The following PCDH12 variants were observed in gnomAD, a reference collection of about 807,000 sequenced individuals.
PCDH12 encodes protocadherin-12.
PCDH12 carries 45 observed loss-of-function variants against 70.9 expected under a neutral mutation model. The ratio of observed to expected loss-of-function variants is 0.63; its 90% CI spans 0.50 to 0.81. The LOEUF (loss-of-function observed/expected upper bound fraction) is 0.81, where lower values mean the gene tolerates loss of function less well. PCDH12 is among the 40% of genes least tolerant of loss of function. The pLI is 0.00. For synonymous variants in PCDH12, 567 were observed against 626.0 expected (o/e 0.91, Z 1.41); for missense variants, 1,370 against 1,491.7 (o/e 0.92, Z 1.34).
In PCDH12 at chr5:141,957,437, C is replaced by T. The variant is rs145724323; in HGVS notation, c.415G>A (p.Glu139Lys). 712 of 1,612,342 alleles carry T rather than the reference C, an allele frequency of 4.4e-4. 1 individual carries two copies. The highest frequency in any genetic ancestry group is 5.4e-4 in the Non-Finnish European group (633 of 1,179,192). The change falls in exon 1 of 4, where the codon GAG (glutamate) becomes AAG (lysine). Residue 139 changes from glutamate to lysine, a missense_variant. Coordinates refer to ENST00000231484, the MANE Select transcript of PCDH12 (RefSeq NM_016580.4). This position sits in a 1 kb window ranked among gnomAD's most constrained non-coding sequence, Gnocchi z 4.3. Reference sequence around the variant, plus strand: ...CTCTCAGAGATTTCCAGCTCCTGCTCGCCTTTGGGAAACCGTGGCTGGTGG... The same window carrying T: ...CTCTCAGAGATTTCCAGCTCCTGCTTGCCTTTGGGAAACCGTGGCTGGTGG... Reference protein sequence around the residue: ...NDHQPRFPKGEQELEISESAS... With the variant: ...NDHQPRFPKGKQELEISESAS...
At chr5:141,948,817 G>A (rs1438085700) in intron 3 of PCDH12, among the ~76,000 whole-genome samples, 4 of 152,110 alleles carry the variant, frequency 2.6e-5, no homozygotes, top group Non-Finnish European at 4.4e-5. Flanking sequence ...GGGATTGGTT[G>A]GAGGCTTAAA....
Position 141,955,392 on chromosome 5 carries a change from C to G in PCDH12, c.2460G>C (p.Pro820=). The G allele has an allele frequency of 6.2e-7, 1 of 1,613,938 alleles. No homozygotes were observed. The highest frequency in any genetic ancestry group is 8.5e-7 in the Non-Finnish European group (1 of 1,180,016). Residue 820 remains proline (P), a synonymous_variant, in exon 1 of 4, where the codon CCG becomes CCC. Transcript: ENST00000231484. This position sits in a 1 kb window ranked among gnomAD's most constrained non-coding sequence, Gnocchi z 5.5. ...GATTACGCAGCGTCCTGTACAGGGT[C>G]GGGGTGAGGTGGAAGGGGGCCTGCA... The part of the protein sequence containing the change: ...PCLQAPFHLT[P]TLYRTLRNQG...
At chr5:141,950,332 T>A (rs1753054146) in intron 2 of PCDH12, among the ~76,000 whole-genome samples, 1 of 152,180 alleles carries the variant, frequency 6.6e-6, no homozygotes, top group Non-Finnish European at 1.5e-5. Context: ...GGAGTCCTTC[T>A]GTTTGTTTGG....
In PCDH12 at chr5:141,955,662, CCCGAAGATGCCCAACAGTACAG is replaced by C. The variant is rs754836147; in HGVS notation, c.2168_2189del (p.Ala723GlyfsTer2). On this transcript the variant is annotated frameshift_variant, in exon 1 of 4. Coordinates refer to ENST00000231484, the MANE Select transcript of PCDH12 (RefSeq NM_016580.4). LOFTEE classifies it high-confidence loss of function. This position sits in a 1 kb window ranked among gnomAD's most constrained non-coding sequence, Gnocchi z 5.5. ...TGGACATGAACAAAGCCAGGATCAACCCGAAGATGCCCAACAGTACAGCCAGGCAGATCACCGTCAGCATCGA... is the reference window on the plus strand; with the variant it reads ...TGGACATGAACAAAGCCAGGATCAACCCAGGCAGATCACCGTCAGCATCGA... The C allele has an allele frequency of 6.2e-7, 1 of 1,614,134 alleles. No individual in the cohort carries two copies.
rs1271571624 is a variant in PCDH12, at chr5:141,945,447, G to T, written c.3489C>A (p.Asp1163Glu). The T allele has an allele frequency of 6.2e-7, 1 of 1,613,208 alleles. No homozygotes were observed. The highest frequency in any genetic ancestry group is 1.1e-5 in the South Asian group (1 of 91,052). Reference sequence around the variant, plus strand: ...CCTCAGTCCCCGTCTTTCCACCTGGGTCCCCTTGCACTTTCATGCCTGAGG... The same window carrying T: ...CCTCAGTCCCCGTCTTTCCACCTGGTTCCCCTTGCACTTTCATGCCTGAGG... Reference protein sequence around the residue: ...SAASGMKVQGDPGGKTGTEGK... With the variant: ...SAASGMKVQGEPGGKTGTEGK... Residue 1163 changes from aspartate to glutamate, a missense_variant, in exon 4 of 4, where the codon GAC becomes GAA. Physicochemically the swap from Asp to Glu is conservative, Grantham distance 45. Transcript: ENST00000231484.
chr5:141,945,388 C>CA lies in PCDH12; in HGVS notation c.3547dup (p.Cys1183LeufsTer30). The CA allele has an allele frequency of 6.3e-7, 1 of 1,599,060 alleles. No homozygotes were observed. Among genetic ancestry groups the CA allele is most frequent in the Non-Finnish European group, 8.5e-7 (1 of 1,174,998 alleles). On this transcript the variant is annotated frameshift_variant, in exon 4 of 4. Transcript: ENST00000231484. LOFTEE classifies it high-confidence loss of function. ...GAGGCGTCTGAGGTATGTTCACAGG[C>CA]ACCTGCTGCTGCTGCTGCTGCCTCT...
chr5:141,946,188 G>C (rs1752922757), intron 3 of PCDH12, among the ~76,000 whole-genome samples: 1 of 152,166 alleles, frequency 6.6e-6, no homozygotes, highest in Non-Finnish European at 1.5e-5. Context: ...ACTAGCTGAG[G>C]ATGGAGGGAA....
At position 141,957,592 on chromosome 5, in the gene PCDH12, C is replaced by A; in HGVS notation, c.260G>T (p.Ser87Ile). The change falls in exon 1 of 4, where the codon AGC becomes ATC. Residue 87 changes from serine (S) to isoleucine (I), a missense_variant. Transcript: ENST00000231484. This position sits in a 1 kb window ranked among gnomAD's most constrained non-coding sequence, Gnocchi z 4.3. ...IQVDSEEGLL[S>I]TGRRLDREQL... Reference sequence around the variant, plus strand: ...CTCTCGATCCAGCCGCCTGCCTGTGCTGAGCAAGCCTTCCTCAGAGTCCAC... The same window carrying A: ...CTCTCGATCCAGCCGCCTGCCTGTGATGAGCAAGCCTTCCTCAGAGTCCAC... 2 of 1,614,234 alleles carry A rather than the reference C, an allele frequency of 1.2e-6. No homozygotes were observed. The highest frequency in any genetic ancestry group is 2.7e-5 in the African/African-American group (2 of 75,066).
rs1309320741 is a variant in PCDH12 at position 141,945,419 on chromosome 5, T to C, written c.3517A>G (p.Lys1173Glu). 3 of 1,441,278 alleles carry C rather than the reference T, an allele frequency of 2.1e-6. No individual in the cohort carries two copies. The highest frequency in any genetic ancestry group is 2.8e-6 in the Non-Finnish European group (3 of 1,053,186). The allele number at this position is 1,441,278 out of a possible 1,614,324, so 89.3% of individuals were successfully genotyped here. ...CTGCTGCTGCTGCTGCCTCTGCTCT[T>C]GCCCTCAGTCCCCGTCTTTCCACCT... ...DPGGKTGTEGKSRGSSSSSRC... is the reference protein window; with the variant it reads ...DPGGKTGTEGESRGSSSSSRC... The change falls in exon 4 of 4, where the codon AAG becomes GAG. Residue 1173 changes from lysine (K) to glutamate (E), a missense_variant. Coordinates refer to ENST00000231484, the MANE Select transcript of PCDH12 (RefSeq NM_016580.4).
chr5:141,956,189 G>A lies in PCDH12; in HGVS notation c.1663C>T (p.Leu555Phe). Residue 555 changes from leucine (L) to phenylalanine (F), a missense_variant, in exon 1 of 4, where the codon CTC becomes TTC. Physicochemically the swap from Leu to Phe is conservative, Grantham distance 22 (BLOSUM62 0). Coordinates refer to ENST00000231484, the MANE Select transcript of PCDH12 (RefSeq NM_016580.4). Reference protein sequence around the residue: ...LASSVSVWVSLLDANDNAPEV... With the variant: ...LASSVSVWVSFLDANDNAPEV... Reference sequence around the variant, plus strand: ...GGGGCATTATCATTGGCATCCAAGAGGCTGACCCACACAGAGACACTGGAT... The same window carrying A: ...GGGGCATTATCATTGGCATCCAAGAAGCTGACCCACACAGAGACACTGGAT... The A allele has an allele frequency of 6.2e-7, 1 of 1,614,210 alleles. No homozygotes were observed. The highest frequency in any genetic ancestry group is 8.5e-7 in the Non-Finnish European group (1 of 1,180,038).
At chr5:141,949,952 G>T (rs1320866054) in intron 2 of PCDH12, among the ~76,000 whole-genome samples, 1 of 152,170 alleles carries the variant, frequency 6.6e-6, no homozygotes, top group African/African-American at 2.4e-5. Context: ...TGGCACACAG[G>T]AGGAGTTTAG....
intron 3 of PCDH12, among the ~76,000 whole-genome samples, chr5:141,946,157 G>A (rs961557187): frequency 6.6e-6 from 1 of 152,204 alleles, no homozygotes; most frequent in East Asian, 1.9e-4. Flanking sequence ...CCCTCAGGGC[G>A]CCTTCTCCCC....
intron 3 of PCDH12, 100 bp from the exon 4 acceptor site, chr5:141,945,905 G>T: frequency 9.0e-7 from 1 of 1,110,384 alleles, no homozygotes; most frequent in Non-Finnish European, 1.3e-6. Context: ...GGACAAAGGA[G>T]GGAAGGGAAA....
At position 141,945,516 on chromosome 5, in the gene PCDH12, C is replaced by T. The variant is rs748312193; in HGVS notation, c.3420G>A (p.Ser1140=). 2.5e-5 allele frequency: 40 copies of T among 1,613,490 alleles called. No individual in the cohort carries two copies. In the Admixed American group the frequency reaches 4.2e-4, roughly 17 times the overall value. Reference sequence around the variant, plus strand: ...CTAAACTGAGGGTCCTCCCGCAGACCGAGAGCCGCCGCAGCGCCTCGGAGG... The same window carrying T: ...CTAAACTGAGGGTCCTCCCGCAGACTGAGAGCCGCCGCAGCGCCTCGGAGG... The part of the protein sequence containing the change: ...EAASEALRRL[S]VCGRTLSLDL... Residue 1140 remains serine (S), a synonymous_variant, in exon 4 of 4, where the codon TCG becomes TCA. Transcript: ENST00000231484.
chr5:141,957,257 C>T lies in PCDH12; in HGVS notation c.595G>A (p.Val199Met). 1 of 1,614,088 alleles carries T rather than the reference C, an allele frequency of 6.2e-7. No homozygotes were observed. Among genetic ancestry groups the T allele is most frequent in the Non-Finnish European group, 8.5e-7 (1 of 1,179,988 alleles). Residue 199 changes from valine (V) to methionine (M), a missense_variant, in exon 1 of 4, where the codon GTG (valine) becomes ATG (methionine). Val to Met is a conservative substitution (Grantham distance 21). Transcript: ENST00000231484. The surrounding 1 kb of genome is among the most constrained non-coding windows in gnomAD (Gnocchi z 4.3). ...TGGATTTCCCTGTCCAGCTCCTTCACCACTATGAGTTCTGCATGTTTGGTC... is the reference window on the plus strand; with the variant it reads ...TGGATTTCCCTGTCCAGCTCCTTCATCACTATGAGTTCTGCATGTTTGGTC... Reference protein sequence around the residue: ...DETKHAELIVVKELDREIHSF... With the variant: ...DETKHAELIVMKELDREIHSF...
rs1752891121 is a variant in PCDH12 at position 141,945,527 on chromosome 5, G to A, written c.3409C>T (p.Arg1137Trp). ...MPVEAASEALRRLSVCGRTLS... is the reference protein window; with the variant it reads ...MPVEAASEALWRLSVCGRTLS... ...GTCCTCCCGCAGACCGAGAGCCGCC[G>A]CAGCGCCTCGGAGGCGGCCTCCACG... The change falls in exon 4 of 4, where the codon CGG becomes TGG. Residue 1137 changes from arginine to tryptophan, a missense_variant. Coordinates refer to ENST00000231484, the MANE Select transcript of PCDH12 (RefSeq NM_016580.4). 3.1e-6 allele frequency: 5 copies of A among 1,613,866 alleles called. No homozygotes were observed. The highest frequency in any genetic ancestry group is 2.2e-5 in the South Asian group (2 of 91,064).
rs1446136037 is a variant in PCDH12, at chr5:141,943,820, G to A, written c.*1561C>T. ...ATCACTCTGGCCTAGAGTGAGGTGA[G>A]GAGAAACTCTGCCCCTGAAACTCAT... is the stretch of plus-strand genomic sequence containing the variant. On this transcript the variant is annotated 3_prime_UTR_variant, in exon 4 of 4. Transcript: ENST00000231484. 1.3e-5 allele frequency: 2 copies of A among 152,128 alleles called. No homozygotes were observed. The highest frequency in any genetic ancestry group is 2.9e-5 in the Non-Finnish European group (2 of 68,026). The allele number at this position is 152,128 out of a possible 1,614,324, so 9.4% of individuals were successfully genotyped here.
rs1359846791 is a variant in PCDH12 at position 141,958,154 on chromosome 5, T to C, written c.-303A>G. On this transcript the variant is annotated 5_prime_UTR_variant, in exon 1 of 4. Coordinates refer to ENST00000231484, the MANE Select transcript of PCDH12 (RefSeq NM_016580.4). ...GACAAGAGCTGGTCTAAGAGGGACC[T>C]GACCCAGTTGAGCAGGATGTGGGAC... The C allele has an allele frequency of 5.6e-6, 2 of 355,128 alleles. No homozygotes were observed. Among genetic ancestry groups the C allele is most frequent in the African/African-American group, 4.1e-5 (2 of 48,724 alleles). The allele number at this position is 355,128 out of a possible 1,614,324, so 22.0% of individuals were successfully genotyped here.
chr5:141,957,032 C>T lies in PCDH12; in HGVS notation c.820G>A (p.Gly274Ser), dbSNP rs373331991. The T allele has an allele frequency of 1.2e-6, 2 of 1,614,210 alleles. No homozygotes were observed. Among genetic ancestry groups the T allele is most frequent in the African/African-American group, 2.7e-5 (2 of 75,050 alleles). ...IKLTATDPDQ[G>S]PNGEVEFFLS... ...AAGAACTCCACCTCCCCATTGGGGC[C>T]TTGGTCAGGGTCTGTGGCGGTCAGT... is the stretch of plus-strand genomic sequence containing the variant. The change falls in exon 1 of 4, where the codon GGC becomes AGC. Residue 274 changes from glycine to serine, a missense_variant. Transcript: ENST00000231484. This position sits in a 1 kb window ranked among gnomAD's most constrained non-coding sequence, Gnocchi z 4.3.
Sources: gnomAD v4.1 joint callset for allele counts (sites outside exome capture counted in the v4.1 genomes callset) on GRCh38, gnomAD v4.1.1 for gene constraint, Gnocchi (gnomAD v3.1) non-coding constraint, MANE v1.5 for transcripts, NCBI Gene and HGNC (gene_info 2026-07-23, HGNC 2026-07-21) for gene names.